The following RXFP1 variants were observed in gnomAD, a reference collection of about 807,000 sequenced individuals.
The protein encoded by RXFP1 is relaxin receptor 1.
A neutral mutation model predicts 89.8 loss-of-function variants in RXFP1; 73 were observed. The ratio of observed to expected loss-of-function variants is 0.81; its 90% confidence interval spans 0.67 to 0.99. The LOEUF (loss-of-function observed/expected upper bound fraction) is 0.99. Ranked by LOEUF, RXFP1 falls within the 50% of genes least tolerant of loss-of-function variation. RXFP1 has a pLI of 0.00. For synonymous variants in RXFP1, 277 were observed against 305.5 expected (o/e 0.91, Z 0.97); for missense variants, 793 against 895.5 (o/e 0.89, Z 1.46).
intron 4 of RXFP1, among the ~76,000 whole-genome samples, 154 bp downstream of exon 4, chr4:158,599,585 G>T (rs370298517): frequency 6.6e-6 from 1 of 151,928 alleles, no homozygotes; most frequent in African/African-American, 2.4e-5. Context: ...TATTTATTTT[G>T]CATTTATTAA....
intron 2 of RXFP1, among the ~76,000 whole-genome samples, chr4:158,573,515 A>G (rs944099406): frequency 3.3e-5 from 5 of 152,048 alleles, no homozygotes; most frequent in Admixed American, 3.3e-4. Flanking sequence ...TTTTAAGCTC[A>G]TCAGCTATCA....
intron 1 of RXFP1, among the ~76,000 whole-genome samples, chr4:158,557,168 T>A (rs961658570): frequency 6.6e-6 from 1 of 152,220 alleles, no homozygotes; most frequent in African/African-American, 2.4e-5. Context: ...TAGATATATA[T>A]GGAAAAATCA....
intron 8 of RXFP1, among the ~76,000 whole-genome samples, chr4:158,616,816 T>C (rs986164604): frequency 5.3e-5 from 8 of 151,366 alleles, no homozygotes; most frequent in Non-Finnish European, 2.9e-5. Flanking sequence ...CTGGCTAACA[T>C]GGTGAAACCC....
intron 9 of RXFP1, among the ~76,000 whole-genome samples, chr4:158,624,938 A>AT (rs1242629116): frequency 6.6e-6 from 1 of 152,164 alleles, no homozygotes; most frequent in Non-Finnish European, 1.5e-5. Flanking sequence ...TTGTGCCCCA[A>AT]TATGTGCCTC....
intron 1 of RXFP1, among the ~76,000 whole-genome samples, chr4:158,550,160 C>T (rs538339569): frequency 1.3e-5 from 2 of 152,326 alleles, no homozygotes; most frequent in Non-Finnish European, 2.9e-5. Flanking sequence ...GGCAGGAGGC[C>T]CTCCCCCAGC....
At chr4:158,555,239 A>G (rs1357874672) in intron 1 of RXFP1, among the ~76,000 whole-genome samples, 1 of 152,188 alleles carries the variant, frequency 6.6e-6, no homozygotes, top group African/African-American at 2.4e-5. Context: ...GAGAGTAAAA[A>G]ACTTAGTTTA....
intron 16 of RXFP1, among the ~76,000 whole-genome samples, chr4:158,647,909 G>A (rs763199268): frequency 4.6e-5 from 7 of 152,068 alleles, no homozygotes; most frequent in South Asian, 2.1e-4. Context: ...CCAGCTACTC[G>A]GGAGGCTGAG....
chr4:158,581,127 C>G (rs553786749), intron 2 of RXFP1, among the ~76,000 whole-genome samples: 2 of 152,208 alleles, frequency 1.3e-5, no homozygotes, highest in Admixed American at 1.3e-4. Flanking sequence ...TCTAACCCTC[C>G]TAGGAATATT....
At chr4:158,573,487 T>TG (rs1755578784) in intron 2 of RXFP1, among the ~76,000 whole-genome samples, 1 of 151,856 alleles carries the variant, frequency 6.6e-6, no homozygotes, top group Non-Finnish European at 1.5e-5. Context: ...AAGCATTAGA[T>TG]TTTTTTTGTG....
In RXFP1 at chr4:158,593,478, G is replaced by C. The variant is rs1207693823; in HGVS notation, c.265G>C (p.Glu89Gln). ...YYKMTSQYPF[E>Q]AETPECLVGS... Reference sequence around the variant, plus strand: ...CAAAATGACTTCCCAATATCCTTTTGAGGCAGAAACACCTGAATGTTGTAA... The same window carrying C: ...CAAAATGACTTCCCAATATCCTTTTCAGGCAGAAACACCTGAATGTTGTAA... The change falls in exon 3 of 18, where the codon GAG becomes CAG. Residue 89 changes from glutamate to glutamine, a missense_variant. Transcript: ENST00000307765. 1 of 1,606,234 alleles carries C rather than the reference G, an allele frequency of 6.2e-7. No individual in the cohort carries two copies. The highest frequency in any genetic ancestry group is 8.5e-7 in the Non-Finnish European group (1 of 1,173,984).
intron 2 of RXFP1, among the ~76,000 whole-genome samples, chr4:158,576,792 G>T (rs573706433): frequency 1.7e-4 from 26 of 152,242 alleles, no homozygotes; most frequent in African/African-American, 6.3e-4. Context: ...CCTCAAAGAT[G>T]CCCAGTTGGC....
chr4:158,622,864 A>G (rs1287310717), intron 9 of RXFP1, among the ~76,000 whole-genome samples: 11 of 152,342 alleles, frequency 7.2e-5, no homozygotes, highest in African/African-American at 2.6e-4. Context: ...CACTCTTACC[A>G]TAAAAGAAAT....
At chr4:158,572,942 A>G (rs1469284367) in intron 2 of RXFP1, 107 bp downstream of exon 2, 2 of 1,455,152 alleles carry the variant, frequency 1.4e-6, no homozygotes, top group African/African-American at 2.8e-5. Context: ...TTGAAATACA[A>G]AACATATGTT....
chr4:158,575,073 G>C (rs986225583), intron 2 of RXFP1, among the ~76,000 whole-genome samples: 1 of 152,180 alleles, frequency 6.6e-6, no homozygotes, highest in African/African-American at 2.4e-5. Flanking sequence ...AGCAGGAAAG[G>C]AACGTGGTGG....
intron 17 of RXFP1, 99 bp downstream of exon 17, chr4:158,648,816 A>T: frequency 5.3e-6 from 4 of 756,758 alleles, no homozygotes; most frequent in African/African-American, 1.8e-5. Flanking sequence ...AACAATTCAA[A>T]GAATTGTACA....
intron 8 of RXFP1, among the ~76,000 whole-genome samples, chr4:158,613,088 A>T (rs921293740): frequency 6.6e-6 from 1 of 152,202 alleles, no homozygotes; most frequent in Non-Finnish European, 1.5e-5. Context: ...ATATTCAATT[A>T]AGTGTGCAAT....
intron 17 of RXFP1, among the ~76,000 whole-genome samples, chr4:158,651,308 A>T (rs1420094806): frequency 6.6e-6 from 1 of 152,220 alleles, no homozygotes; most frequent in African/African-American, 2.4e-5. Flanking sequence ...TTAAAATCAA[A>T]TGGCAAAAAA....
chr4:158,637,794 A>G (rs1769491709), intron 12 of RXFP1, among the ~76,000 whole-genome samples: 1 of 152,136 alleles, frequency 6.6e-6, no homozygotes, highest in African/African-American at 2.4e-5. Context: ...GGCAATATCC[A>G]AAAAAATCAT....
At chr4:158,644,602 T>A (rs184305894) in intron 14 of RXFP1, among the ~76,000 whole-genome samples, 33 of 152,206 alleles carry the variant, frequency 2.2e-4, no homozygotes, top group African/African-American at 7.7e-4. Context: ...GCGAGTACGA[T>A]AACGGTTTCT....
Sources: gnomAD v4.1 joint callset for allele counts (sites outside exome capture counted in the v4.1 genomes callset) on GRCh38, gnomAD v4.1.1 for gene constraint, MANE v1.5 for transcripts, NCBI Gene and HGNC (gene_info 2026-07-23, HGNC 2026-07-21) for gene names.